DPYD: variants seen among roughly 807,000 people sequenced by gnomAD.
The protein encoded by DPYD is dihydropyrimidine dehydrogenase.
In DPYD, 109 loss-of-function variants were observed where a neutral mutation model predicts 116.2. The ratio of observed to expected loss-of-function variants is 0.94; its 90% CI spans 0.80 to 1.10. The LOEUF is 1.10. Among genes scored for constraint, DPYD ranks in the 50% least tolerant of loss-of-function variants. The probability of loss-of-function intolerance (pLI) is 0.00; values close to 1 mark genes in which losing one functional copy is unlikely to be tolerated. For missense variants in DPYD, 1,302 were observed against 1,254.5 expected, an observed-to-expected ratio of 1.04 and a Z score of -0.57; for synonymous variants, 440 against 432.0, an observed-to-expected ratio of 1.02 and a Z score of -0.23.
intron 20 of DPYD, among the ~76,000 whole-genome samples, chr1:97,151,262 G>A (rs886660888): frequency 6.6e-5 from 10 of 152,054 alleles, no homozygotes; most frequent in East Asian, 3.9e-4. Flanking sequence ...AGATATAATC[G>A]TACATATATA....
intron 13 of DPYD, among the ~76,000 whole-genome samples, chr1:97,507,241 T>C (rs989541099): frequency 6.6e-6 from 1 of 151,994 alleles, no homozygotes; most frequent in South Asian, 2.1e-4. Flanking sequence ...GATAAACTAT[T>C]AGTATACAGA....
intron 19 of DPYD, among the ~76,000 whole-genome samples, chr1:97,229,568 A>G (rs1334598054): frequency 3.0e-5 from 4 of 132,730 alleles, no homozygotes; most frequent in Non-Finnish European, 6.8e-5. Context: ...ATATATATAT[A>G]TATATATATA....
At position 97,883,263 on chromosome 1, in the gene DPYD, C is replaced by T; in HGVS notation, c.150+1G>A. 1 of 1,599,738 alleles carries T rather than the reference C, an allele frequency of 6.3e-7. No individual in the cohort carries two copies. The highest frequency in any genetic ancestry group is 8.6e-7 in the Non-Finnish European group (1 of 1,167,480). Reference sequence around the variant, plus strand: ...TGAAATAGTGTATCAGTGGTACTTACAAAGCAGTTCTTATCAGGATTTCTT... The same window carrying T: ...TGAAATAGTGTATCAGTGGTACTTATAAAGCAGTTCTTATCAGGATTTCTT... On this transcript the variant is annotated splice_donor_variant, in intron 2 of 22. Coordinates refer to ENST00000370192, the MANE Select transcript of DPYD (RefSeq NM_000110.4). LOFTEE classifies it high-confidence loss of function.
At chr1:97,641,467 C>A (rs919900013) in intron 8 of DPYD, among the ~76,000 whole-genome samples, 1 of 152,120 alleles carries the variant, frequency 6.6e-6, no homozygotes. Context: ...CCTACATAAT[C>A]CATCACATAA....
At chr1:97,447,738 G>A (rs934519064) in intron 14 of DPYD, among the ~76,000 whole-genome samples, 1 of 151,614 alleles carries the variant, frequency 6.6e-6, no homozygotes, top group Non-Finnish European at 1.5e-5. Context: ...TCCACTTACT[G>A]TCATTTCTTG....
chr1:97,645,093 G>A (rs993509230), intron 8 of DPYD, among the ~76,000 whole-genome samples: 63 of 152,162 alleles, frequency 4.1e-4, no homozygotes, highest in African/African-American at 1.4e-3. Flanking sequence ...TGAATACGCT[G>A]TAACTTATTT....
intron 8 of DPYD, among the ~76,000 whole-genome samples, chr1:97,603,622 A>C (rs1655401324): frequency 6.6e-6 from 1 of 152,140 alleles, no homozygotes; most frequent in Non-Finnish European, 1.5e-5. Flanking sequence ...CTAAAGTGTT[A>C]ATCACCAGTA....
chr1:97,742,585 T>G (rs1483166138), intron 3 of DPYD, among the ~76,000 whole-genome samples: 1 of 152,108 alleles, frequency 6.6e-6, no homozygotes, highest in Non-Finnish European at 1.5e-5. Context: ...ATTGTTGAGT[T>G]CAAAAATAAT....
At chr1:97,123,774 TTTG>T (rs1652624995) in intron 20 of DPYD, among the ~76,000 whole-genome samples, 1 of 152,162 alleles carries the variant, frequency 6.6e-6, no homozygotes, top group African/African-American at 2.4e-5. Context: ...TAACAGATTT[TTTG>T]TTGTTGTTGT....
At chr1:97,473,322 G>T (rs1677763905) in intron 13 of DPYD, among the ~76,000 whole-genome samples, 1 of 152,062 alleles carries the variant, frequency 6.6e-6, no homozygotes, top group South Asian at 2.1e-4. Context: ...TTCTTTTATG[G>T]CAGAATAATA....
intron 14 of DPYD, among the ~76,000 whole-genome samples, chr1:97,409,885 C>T (rs1332983209): frequency 6.6e-6 from 1 of 152,064 alleles, no homozygotes; most frequent in Non-Finnish European, 1.5e-5. Flanking sequence ...TGAGACCAGC[C>T]TGGCCAAAAT....
intron 16 of DPYD, among the ~76,000 whole-genome samples, chr1:97,309,510 A>G (rs909311528): frequency 2.0e-5 from 3 of 151,832 alleles, no homozygotes; most frequent in African/African-American, 7.2e-5. Context: ...AGAATGAGTG[A>G]CAGATCTAGG....
intron 2 of DPYD, among the ~76,000 whole-genome samples, chr1:97,865,886 A>C (rs1004977018): frequency 1.3e-5 from 2 of 151,976 alleles, no homozygotes; most frequent in African/African-American, 4.8e-5. Context: ...TATACAATAC[A>C]ACTTCTATTT....
At chr1:97,861,127 G>GTA (rs1671092704) in intron 2 of DPYD, among the ~76,000 whole-genome samples, 1 of 151,768 alleles carries the variant, frequency 6.6e-6, no homozygotes, top group Admixed American at 6.6e-5. Context: ...AAAATACACC[G>GTA]CAAAAAATAG....
rs151330861 is a variant in DPYD, at chr1:97,602,851, A to G, written c.851-7685T>C. Among the ~76,000 whole-genome samples, 1,112 of 152,086 alleles carry G rather than the reference A, an allele frequency of 7.3e-3. 14 individuals are homozygous for G. Among genetic ancestry groups the G allele is most frequent in the African/African-American group, 0.026 (1,060 of 41,544 alleles). On this transcript the variant is annotated intron_variant, in intron 8 of 22. Transcript: ENST00000370192. ...ATATTGCAATTTGCTTATAATTAGTAGAAGTTATTGCAATAATTGAAATTA... is the reference window on the plus strand; with the variant it reads ...ATATTGCAATTTGCTTATAATTAGTGGAAGTTATTGCAATAATTGAAATTA...
Position 97,120,002 on chromosome 1 carries a change from C to T in DPYD, c.2623-21370G>A, listed in dbSNP as rs558249294. Among the ~76,000 whole-genome samples, 10 of 152,276 alleles carry T rather than the reference C, an allele frequency of 6.6e-5. No individual in the cohort carries two copies. In the South Asian group the frequency reaches 1.9e-3, roughly 28 times the overall value. ...ACGAAGACCCGCAGATGGTCAGTGCCTGCCCTCTGCAGAGGGAGAGGCAGG... is the reference window on the plus strand; with the variant it reads ...ACGAAGACCCGCAGATGGTCAGTGCTTGCCCTCTGCAGAGGGAGAGGCAGG... On this transcript the variant is annotated intron_variant, in intron 20 of 22. Transcript: ENST00000370192.
At chr1:97,838,949 G>A (rs1669912889) in intron 2 of DPYD, among the ~76,000 whole-genome samples, 1 of 152,180 alleles carries the variant, frequency 6.6e-6, no homozygotes, top group Non-Finnish European at 1.5e-5. Context: ...GCCAATGCTA[G>A]AACAACAGGG....
At chr1:97,158,944 C>T (rs1300805434) in intron 20 of DPYD, among the ~76,000 whole-genome samples, 2 of 152,122 alleles carry the variant, frequency 1.3e-5, no homozygotes, top group Admixed American at 6.6e-5. Context: ...AGTTAATTGT[C>T]TGCTAAAGCA....
At chr1:97,704,536 A>C (rs1020689473) in intron 5 of DPYD, among the ~76,000 whole-genome samples, 2 of 152,002 alleles carry the variant, frequency 1.3e-5, no homozygotes, top group Non-Finnish European at 2.9e-5. Flanking sequence ...ATTTTTCAAA[A>C]ATAATATTTT....
Sources: gnomAD v4.1 joint callset for allele counts (sites outside exome capture counted in the v4.1 genomes callset) on GRCh38, gnomAD v4.1.1 for gene constraint, MANE v1.5 for transcripts, NCBI Gene and HGNC (gene_info 2026-07-23, HGNC 2026-07-21) for gene names.